The following MITF variants were observed in gnomAD, a reference collection of about 807,000 sequenced individuals.
MITF encodes the protein melanocyte inducing transcription factor, also known as microphthalmia-associated transcription factor.
MITF carries 17 observed loss-of-function variants against 60.5 expected under a neutral mutation model. The observed-to-expected ratio is 0.28, with a 90% CI of 0.19 to 0.42. The LOEUF (loss-of-function observed/expected upper bound fraction) is 0.42, where lower values mean the gene tolerates loss of function less well. Among genes scored for constraint, MITF ranks in the 10% least tolerant of loss-of-function variants. MITF has a pLI of 1.00. For missense variants in MITF, 622 were observed against 683.5 expected, an observed-to-expected ratio of 0.91 and a Z score of 1.00; for synonymous variants, 260 against 248.5, an observed-to-expected ratio of 1.05 and a Z score of -0.43.
At chr3:69,882,039 C>T (rs1267521630) in intron 2 of MITF, among the ~76,000 whole-genome samples, 2 of 152,100 alleles carry the variant, frequency 1.3e-5, no homozygotes, top group African/African-American at 4.8e-5. Flanking sequence ...CATACACACA[C>T]AAAGTTAAGT....
intron 1 of MITF, among the ~76,000 whole-genome samples, chr3:69,848,915 A>G (rs1056363789): frequency 1.3e-5 from 2 of 150,606 alleles, no homozygotes; most frequent in African/African-American, 4.9e-5. Context: ...GGAATTTGAG[A>G]GATAGCTTTT....
intron 1 of MITF, among the ~76,000 whole-genome samples, chr3:69,824,007 G>A (rs941050257): frequency 6.6e-6 from 1 of 152,166 alleles, no homozygotes. Context: ...CATGTAAATG[G>A]CCAGGCAAAG....
intron 1 of MITF, among the ~76,000 whole-genome samples, chr3:69,865,587 C>T (rs1288958503): frequency 6.6e-6 from 1 of 152,104 alleles, no homozygotes; most frequent in Non-Finnish European, 1.5e-5. Context: ...TATGGCCTAA[C>T]GATTTGTGTG....
chr3:69,913,973 G>T (rs909220830), intron 2 of MITF, among the ~76,000 whole-genome samples: 4 of 152,170 alleles, frequency 2.6e-5, no homozygotes, highest in African/African-American at 7.2e-5. Flanking sequence ...TTAACAAAAT[G>T]CTTATTCTCA....
chr3:69,860,167 CT>C (rs1166505745), intron 1 of MITF, among the ~76,000 whole-genome samples: 2 of 152,132 alleles, frequency 1.3e-5, no homozygotes. Context: ...TCTACATAAC[CT>C]TTAATGCAGG....
At chr3:69,913,599 CAT>C (rs2065269059) in intron 2 of MITF, among the ~76,000 whole-genome samples, 1 of 152,192 alleles carries the variant, frequency 6.6e-6, no homozygotes, top group Non-Finnish European at 1.5e-5. Flanking sequence ...GATCATCACA[CAT>C]AGTGATTGAC....
chr3:69,887,341 T>C (rs1163211433), intron 2 of MITF, among the ~76,000 whole-genome samples: 1 of 152,112 alleles, frequency 6.6e-6, no homozygotes, highest in Non-Finnish European at 1.5e-5. Context: ...AACTTTGCTC[T>C]ACTAAAATCG....
Position 69,967,412 on chromosome 3 carries a change from C to T in MITF, c.*2164C>T, listed in dbSNP as rs369081022. On this transcript the variant is annotated 3_prime_UTR_variant, in exon 10 of 10. Transcript: ENST00000352241. ...CTTCATATTTATATGGGGGGGAGGG[C>T]GCTGGATGCAAAAGTTGAAGATCGT... 4.3e-5 allele frequency: 10 copies of T among 232,878 alleles called. No homozygotes were observed. Among genetic ancestry groups the T allele is most frequent in the Middle Eastern group, 1.3e-3 (1 of 786 alleles). 14.4% of individuals were successfully genotyped at this position (232,878 alleles called of 1,614,324 possible).
intron 2 of MITF, among the ~76,000 whole-genome samples, chr3:69,888,809 GC>G (rs2064686142): frequency 2.0e-5 from 3 of 151,876 alleles, no homozygotes; most frequent in African/African-American, 7.3e-5. Context: ...TAACTTTGTT[GC>G]CTTTCCTTTT....
At chr3:69,879,464 G>A in intron 2 of MITF, 81 bp downstream of exon 2, 1 of 1,596,070 alleles carries the variant, frequency 6.3e-7, no homozygotes, top group Non-Finnish European at 8.5e-7. Flanking sequence ...ATCTGAATAT[G>A]TATTTTGTTA....
chr3:69,823,664 T>C (rs1474280838), intron 1 of MITF, among the ~76,000 whole-genome samples: 1 of 152,248 alleles, frequency 6.6e-6, no homozygotes, highest in East Asian at 1.9e-4. Flanking sequence ...TTATAGTTAT[T>C]TTATTTATTT....
Position 69,775,246 on chromosome 3 carries a change from T to C in MITF, c.104+35545T>C, listed in dbSNP as rs74995012. On this transcript the variant is annotated intron_variant, in intron 1 of 9. Coordinates refer to ENST00000352241, the MANE Select transcript of MITF (RefSeq NM_001354604.2). The stretch of plus-strand genomic sequence containing the variant: ...GAGCACAGCTGTTTTGTTCTCCATT[T>C]TATTCTCAGAGGTTAAGCCAGGCTG... Among the ~76,000 whole-genome samples, 573 of 152,300 alleles carry C rather than the reference T, an allele frequency of 3.8e-3. 3 individuals are homozygous for C. The highest frequency in any genetic ancestry group is 0.013 in the African/African-American group (522 of 41,568).
At chr3:69,819,321 T>C (rs956244350) in intron 1 of MITF, among the ~76,000 whole-genome samples, 2 of 152,180 alleles carry the variant, frequency 1.3e-5, no homozygotes, top group Admixed American at 6.5e-5. Context: ...TAAGCCCTGC[T>C]AAATGTCCAG....
intron 2 of MITF, among the ~76,000 whole-genome samples, chr3:69,915,703 A>G (rs1419153776): frequency 6.6e-6 from 1 of 152,224 alleles, no homozygotes; most frequent in Non-Finnish European, 1.5e-5. Context: ...TAAGAAGACC[A>G]GGCTTGGAAC....
chr3:69,789,733 G>A (rs2062708620), intron 1 of MITF, among the ~76,000 whole-genome samples: 1 of 152,120 alleles, frequency 6.6e-6, no homozygotes, highest in South Asian at 2.1e-4. Context: ...GCACACACCT[G>A]TAGTCCCACA....
intron 4 of MITF, among the ~76,000 whole-genome samples, chr3:69,940,225 G>A (rs1183049818): frequency 1.3e-5 from 2 of 152,236 alleles, no homozygotes; most frequent in Non-Finnish European, 2.9e-5. Flanking sequence ...GCAGGAGAAC[G>A]GGGATTCCAA....
At chr3:69,938,249 G>A (rs1276490516) in intron 3 of MITF, 200 bp downstream of exon 3, 25 of 1,171,402 alleles carry the variant, frequency 2.1e-5, no homozygotes, top group Middle Eastern at 2.0e-4. Flanking sequence ...AGCACATGAC[G>A]GGAGACCTGG....
chr3:69,806,123 C>T (rs575001441), intron 1 of MITF, among the ~76,000 whole-genome samples: 20 of 150,588 alleles, frequency 1.3e-4, no homozygotes, highest in African/African-American at 3.9e-4. Context: ...CTCACTCTGT[C>T]GCCCAGGCTG....
At chr3:69,750,095 G>C (rs753426125) in intron 1 of MITF, among the ~76,000 whole-genome samples, 6 of 152,096 alleles carry the variant, frequency 3.9e-5, no homozygotes, top group Non-Finnish European at 7.4e-5. Context: ...TTGTTTTTGG[G>C]AATCAATGAT....
Sources: allele counts gnomAD v4.1 joint callset (sites outside exome capture counted in the v4.1 genomes callset), GRCh38; gene constraint gnomAD v4.1.1; transcripts MANE v1.5; gene names NCBI Gene and HGNC (gene_info 2026-07-23, HGNC 2026-07-21).